OPCML: variants seen among roughly 807,000 people sequenced by gnomAD.
OPCML encodes the protein opioid binding protein/cell adhesion molecule like.
Under a neutral mutation model 37.8 loss-of-function variants are expected in OPCML, and 13 were observed. The ratio of observed to expected loss-of-function variants is 0.34; its 90% CI spans 0.22 to 0.55. The LOEUF is 0.55. Ranked by LOEUF, OPCML falls within the 20% of genes least tolerant of loss-of-function variation. The pLI is 0.91. For missense variants in OPCML, 341 were observed against 435.6 expected (o/e 0.78, Z 1.93); for synonymous variants, 176 against 168.8 (o/e 1.04, Z -0.33).
At chr11:132,500,921 A>T (rs1215099489) in intron 4 of OPCML, among the ~76,000 whole-genome samples, 1 of 152,176 alleles carries the variant, frequency 6.6e-6, no homozygotes, top group Non-Finnish European at 1.5e-5. Context: ...TCCGTGGTGT[A>T]TATGTGCCAC....
chr11:132,554,870 T>TTTGTTTTTG (rs2096390968), intron 3 of OPCML, among the ~76,000 whole-genome samples: 1 of 113,758 alleles, frequency 8.8e-6, no homozygotes, highest in African/African-American at 4.2e-5. Flanking sequence ...AAAGTTTTTT[T>TTTGTTTTTG]TTTTTTTTTT....
chr11:133,480,002 G>T (rs185269799), intron 1 of OPCML, among the ~76,000 whole-genome samples: 3 of 152,180 alleles, frequency 2.0e-5, no homozygotes, highest in Non-Finnish European at 4.4e-5. Context: ...AAAGGGGAAC[G>T]TTTCTAAAAG....
intron 1 of OPCML, among the ~76,000 whole-genome samples, chr11:133,400,202 T>A (rs546057070): frequency 6.6e-6 from 1 of 152,314 alleles, no homozygotes; most frequent in East Asian, 1.9e-4. Flanking sequence ...AGTGAGGAAG[T>A]TATTGATGCA....
intron 1 of OPCML, among the ~76,000 whole-genome samples, chr11:133,179,982 G>A (rs1465001016): frequency 6.6e-6 from 1 of 152,150 alleles, no homozygotes; most frequent in Non-Finnish European, 1.5e-5. Context: ...CAGAACATTT[G>A]TTTTAGGCCA....
At chr11:133,076,708 G>GTCATCATCA (rs10676415) in intron 1 of OPCML, among the ~76,000 whole-genome samples, 1 of 151,008 alleles carries the variant, frequency 6.6e-6, no homozygotes, top group African/African-American at 2.4e-5. Context: ...CCTCATCATT[G>GTCATCATCA]TCATCATCAT....
chr11:132,653,978 T>C (rs1045210423), intron 3 of OPCML, among the ~76,000 whole-genome samples: 1 of 152,254 alleles, frequency 6.6e-6, no homozygotes, highest in African/African-American at 2.4e-5. Context: ...TATACATGCC[T>C]TATTGTCTTC....
chr11:132,923,384 T>G (rs1447471192), intron 2 of OPCML, among the ~76,000 whole-genome samples: 1 of 152,278 alleles, frequency 6.6e-6, no homozygotes, highest in Admixed American at 6.5e-5. Flanking sequence ...TGGATTACTA[T>G]GACGCCCAGC....
At chr11:133,485,048 C>T (rs1361235659) in intron 1 of OPCML, among the ~76,000 whole-genome samples, 1 of 151,872 alleles carries the variant, frequency 6.6e-6, no homozygotes, top group Non-Finnish European at 1.5e-5. Flanking sequence ...AAAGAATATC[C>T]AGTACTATTT....
At chr11:133,183,760 TAA>T (rs1024578916) in intron 1 of OPCML, among the ~76,000 whole-genome samples, 7 of 152,274 alleles carry the variant, frequency 4.6e-5, no homozygotes, top group Admixed American at 3.9e-4. Flanking sequence ...TGAATACAAG[TAA>T]AAGACAGTAT....
chr11:133,434,651 G>T lies in OPCML; in HGVS notation c.61+97613C>A, dbSNP rs186996724. Among the ~76,000 whole-genome samples, 10 of 151,900 alleles carry T rather than the reference G, an allele frequency of 6.6e-5. No individual in the cohort carries two copies. In the East Asian group the frequency reaches 1.9e-3, roughly 29 times the overall value. On this transcript the variant is annotated intron_variant, in intron 1 of 7. Coordinates refer to ENST00000524381, the MANE Select transcript of OPCML (RefSeq NM_001012393.5). The stretch of plus-strand genomic sequence containing the variant: ...TTAGCTCCATACACAGGCTAAAAAG[G>T]TGGTCAAACTTTGGTTCTTCCAATG...
chr11:133,261,356 C>A (rs964299503), intron 1 of OPCML, among the ~76,000 whole-genome samples: 3 of 152,334 alleles, frequency 2.0e-5, no homozygotes, highest in South Asian at 2.1e-4. Context: ...GTCTGTCCCC[C>A]CCATCTTTCC....
Position 133,177,614 on chromosome 11 carries a change from C to T in OPCML, c.62-234604G>A, listed in dbSNP as rs897759635. ...ATGTGAATACAACTCCAGTTCTGTA[C>T]CCGACCCTGCCCGGACTGCCCCATG... On this transcript the variant is annotated intron_variant, in intron 1 of 7. Transcript: ENST00000524381. This position sits in a 1 kb window ranked among gnomAD's most constrained non-coding sequence, Gnocchi z 5.0. 6.6e-6 allele frequency among the ~76,000 whole-genome samples: 1 copy of T among 152,118 alleles called. No homozygotes were observed. The highest frequency in any genetic ancestry group is 2.4e-5 in the African/African-American group (1 of 41,420).
At chr11:132,471,076 G>A (rs570180195) in intron 4 of OPCML, among the ~76,000 whole-genome samples, 2 of 152,316 alleles carry the variant, frequency 1.3e-5, no homozygotes, top group Admixed American at 6.5e-5. Flanking sequence ...ATGAGCAACC[G>A]TTTCCAGTTA....
chr11:132,997,637 A>T lies in OPCML; in HGVS notation c.62-54627T>A, dbSNP rs542637413. Among the ~76,000 whole-genome samples the T allele has an allele frequency of 3.3e-5, 5 of 152,332 alleles. No individual in the cohort carries two copies. The East Asian group carries it at 7.7e-4, about 24-fold the overall frequency. On this transcript the variant is annotated intron_variant, in intron 1 of 7. Transcript: ENST00000524381. ...CCGTGGATGGTGGTGGGAGGATGGA[A>T]GGGACACTCATCACCATCCACCATG... is the stretch of plus-strand genomic sequence containing the variant.
intron 3 of OPCML, among the ~76,000 whole-genome samples, chr11:132,598,631 A>T (rs1937618572): frequency 6.6e-6 from 1 of 152,188 alleles, no homozygotes; most frequent in South Asian, 2.1e-4. Context: ...GTGTCAAAAA[A>T]TAGATTTGCA....
chr11:133,081,900 G>A (rs1183085579), intron 1 of OPCML, among the ~76,000 whole-genome samples: 1 of 151,886 alleles, frequency 6.6e-6, no homozygotes, highest in Non-Finnish European at 1.5e-5. Context: ...AGCGTGTGCT[G>A]TGAGGCCCTT....
At chr11:132,633,358 C>A (rs1294728229) in intron 3 of OPCML, among the ~76,000 whole-genome samples, 2 of 152,076 alleles carry the variant, frequency 1.3e-5, no homozygotes, top group Non-Finnish European at 2.9e-5. Flanking sequence ...GCTGGTAGCT[C>A]TCTTTTCCCT....
chr11:133,124,204 T>C (rs1273124065), intron 1 of OPCML, among the ~76,000 whole-genome samples: 4 of 152,068 alleles, frequency 2.6e-5, no homozygotes, highest in Admixed American at 6.6e-5. Flanking sequence ...AGAAAGTGAA[T>C]TTATTCTCTG....
intron 1 of OPCML, among the ~76,000 whole-genome samples, chr11:133,044,118 G>C (rs1947959768): frequency 1.3e-5 from 2 of 152,208 alleles, no homozygotes; most frequent in Admixed American, 1.3e-4. Flanking sequence ...CCAGGTCTAA[G>C]ATGAAGTCAG....
Sources: gnomAD v4.1 joint callset for allele counts (sites outside exome capture counted in the v4.1 genomes callset) on GRCh38, gnomAD v4.1.1 for gene constraint, Gnocchi (gnomAD v3.1) non-coding constraint, MANE v1.5 for transcripts, NCBI Gene and HGNC (gene_info 2026-07-23, HGNC 2026-07-21) for gene names.